Variants in MINDY4 observed in about 807,000 individuals in gnomAD.
MINDY4 encodes MINDY lysine 48 deubiquitinase 4.
In MINDY4, 68 loss-of-function variants were observed where a neutral mutation model predicts 87.0. The observed-to-expected ratio is 0.78, with a 90% CI of 0.64 to 0.96. MINDY4 has a LOEUF of 0.96. Ranked by LOEUF, MINDY4 falls within the 40% of genes least tolerant of loss-of-function variation. The pLI is 0.00. For missense variants in MINDY4, 919 were observed against 928.2 expected, an observed-to-expected ratio of 0.99 and a Z score of 0.13; for synonymous variants, 379 against 363.2, an observed-to-expected ratio of 1.04 and a Z score of -0.50.
intron 5 of MINDY4, among the ~76,000 whole-genome samples, chr7:30,823,818 A>G (rs1320024718): frequency 6.6e-6 from 1 of 152,118 alleles, no homozygotes; most frequent in Admixed American, 6.5e-5. Context: ...AGTAGGACTT[A>G]AAAAAACAAA....
In MINDY4 at chr7:30,775,871, C is replaced by T. The variant is rs189409633; in HGVS notation, c.64-2561C>T. Among the ~76,000 whole-genome samples the T allele has an allele frequency of 2.4e-3, 358 of 152,314 alleles. 1 individual carries two copies. The highest frequency in any genetic ancestry group is 8.0e-3 in the African/African-American group (332 of 41,564). The stretch of plus-strand genomic sequence containing the variant: ...TTCCTGTTCCTCCTACAACTGTGCC[C>T]ATTGGAATAAATGGCATCTCTGTCC... On this transcript the variant is annotated intron_variant, in intron 1 of 17. Transcript: ENST00000265299.
At position 30,791,234 on chromosome 7, in the gene MINDY4, A is replaced by G. The variant is rs1422620637; in HGVS notation, c.733A>G (p.Ser245Gly). 2 of 1,614,118 alleles carry G rather than the reference A, an allele frequency of 1.2e-6. No individual in the cohort carries two copies. Among genetic ancestry groups the G allele is most frequent in the Non-Finnish European group, 1.7e-6 (2 of 1,180,020 alleles). Residue 245 changes from serine (S) to glycine (G), a missense_variant, in exon 5 of 18, where the codon AGC becomes GGC. Physicochemically the swap from Ser to Gly is moderately conservative, Grantham distance 56 (BLOSUM62 0). Coordinates refer to ENST00000265299, the MANE Select transcript of MINDY4 (RefSeq NM_032222.3). Reference protein sequence around the residue: ...SSSSTQPQEESRKVPELFVCT... With the variant: ...SSSSTQPQEEGRKVPELFVCT... ...CAGCTCCACCCAACCCCAAGAAGAG[A>G]GCCGGAAGGTCCCTGAGCTCTTTGT... is the stretch of plus-strand genomic sequence containing the variant.
At chr7:30,808,279 A>G (rs973731106) in intron 5 of MINDY4, among the ~76,000 whole-genome samples, 1 of 152,168 alleles carries the variant, frequency 6.6e-6, no homozygotes, top group African/African-American at 2.4e-5. Flanking sequence ...TGCCCACTCC[A>G]TTTGAGTGGA....
intron 5 of MINDY4, among the ~76,000 whole-genome samples, chr7:30,810,373 G>C (rs985795751): frequency 6.6e-6 from 1 of 151,012 alleles, no homozygotes; most frequent in African/African-American, 2.4e-5. Context: ...TGTGCAAGGT[G>C]TACAAGGAAA....
chr7:30,779,261 T>C (rs939540477), intron 2 of MINDY4, among the ~76,000 whole-genome samples: 1 of 152,228 alleles, frequency 6.6e-6, no homozygotes, highest in African/African-American at 2.4e-5. Context: ...AAATGCAGTC[T>C]TTTTTGTTCA....
rs544665801 is a variant in MINDY4 at position 30,776,536 on chromosome 7, T to G, written c.64-1896T>G. ...ATACTATACTTGTTGTCTCTCCCCC[T>G]ATAGAGTGCAAGCTCCCTGAGGACT... On this transcript the variant is annotated intron_variant, in intron 1 of 17. Coordinates refer to ENST00000265299, the MANE Select transcript of MINDY4 (RefSeq NM_032222.3). Among the ~76,000 whole-genome samples, 193 of 152,294 alleles carry G rather than the reference T, an allele frequency of 1.3e-3. 1 individual carries two copies. Among genetic ancestry groups the G allele is most frequent in the Non-Finnish European group, 2.2e-3 (147 of 68,016 alleles).
intron 17 of MINDY4, among the ~76,000 whole-genome samples, chr7:30,891,153 C>T (rs1790782816): frequency 6.6e-6 from 1 of 152,164 alleles, no homozygotes; most frequent in East Asian, 1.9e-4. Context: ...ACATCTGTTT[C>T]CTAGTTCATA....
At position 30,840,699 on chromosome 7, in the gene MINDY4, G is replaced by A; in HGVS notation, c.1357-61G>A. On this transcript the variant is annotated intron_variant, in intron 8 of 17. Transcript: ENST00000265299. ...GGTGGGTTCTGGGGTGGGTTTGGGT[G>A]AAACCAAAAACTCTGCCCCAGGCCA... 6 of 1,546,866 alleles carry A rather than the reference G, an allele frequency of 3.9e-6. No homozygotes were observed. The African/African-American group carries it at 5.5e-5, about 14-fold the overall frequency.
rs190543048 is a variant in MINDY4 at position 30,807,040 on chromosome 7, C to T, written c.1073+15466C>T. On this transcript the variant is annotated intron_variant, in intron 5 of 17. Transcript: ENST00000265299. ...TTGGTCCCAGTGTCACTTTGTTTAGCCTTTCTTCTTTAAATAAAATTTCTT... is the reference window on the plus strand; with the variant it reads ...TTGGTCCCAGTGTCACTTTGTTTAGTCTTTCTTCTTTAAATAAAATTTCTT... Among the ~76,000 whole-genome samples, 467 of 152,300 alleles carry T rather than the reference C, an allele frequency of 3.1e-3. 1 individual carries two copies. The highest frequency in any genetic ancestry group is 0.011 in the African/African-American group (444 of 41,550).
At chr7:30,812,284 A>G (rs1403576678) in intron 5 of MINDY4, among the ~76,000 whole-genome samples, 1 of 129,924 alleles carries the variant, frequency 7.7e-6, no homozygotes, top group African/African-American at 2.7e-5. Flanking sequence ...GGGGGGGGGT[A>G]TGTATGTATG....
intron 11 of MINDY4, among the ~76,000 whole-genome samples, chr7:30,853,171 G>A (rs1156232942): frequency 1.3e-5 from 2 of 152,228 alleles, no homozygotes; most frequent in Non-Finnish European, 2.9e-5. Context: ...AGCTGCCGTA[G>A]GGCCACCTGA....
intron 7 of MINDY4, among the ~76,000 whole-genome samples, chr7:30,837,178 A>G (rs571492072): frequency 4.6e-5 from 7 of 152,294 alleles, no homozygotes; most frequent in African/African-American, 1.4e-4. Context: ...ATTCTTCAGC[A>G]CTGTTCAGGT....
chr7:30,854,919 C>A, intron 12 of MINDY4, among the ~76,000 whole-genome samples: 1 of 152,258 alleles, frequency 6.6e-6, no homozygotes. Flanking sequence ...GTCCCAAAAG[C>A]ATGGATTAGG....
At chr7:30,845,384 T>C (rs895218324) in intron 9 of MINDY4, among the ~76,000 whole-genome samples, 11 of 152,086 alleles carry the variant, frequency 7.2e-5, no homozygotes, top group African/African-American at 2.4e-4. Flanking sequence ...TCGGTTTCAT[T>C]GACTTATATA....
intron 6 of MINDY4, among the ~76,000 whole-genome samples, chr7:30,831,234 T>C (rs1287665082): frequency 6.6e-6 from 1 of 152,200 alleles, no homozygotes; most frequent in East Asian, 1.9e-4. Flanking sequence ...TGAGCATTTA[T>C]AGCAGAATTA....
At chr7:30,810,312 A>G (rs1024535372) in intron 5 of MINDY4, among the ~76,000 whole-genome samples, 1 of 151,636 alleles carries the variant, frequency 6.6e-6, no homozygotes, top group African/African-American at 2.4e-5. Context: ...ATAATTTAAA[A>G]GTAGCTAGGC....
intron 4 of MINDY4, chr7:30,786,630 G>GAAAAAAAA (rs59508821): frequency 2.5e-5 from 3 of 119,164 alleles, no homozygotes; most frequent in African/African-American, 3.0e-5. Flanking sequence ...GTCTCAAAAA[G>GAAAAAAAA]AAAAAAAAAA....
rs540708866 is a variant in MINDY4 at position 30,845,943 on chromosome 7, C to T, written c.1446-4511C>T. Reference sequence around the variant, plus strand: ...TTTTCCACTTGAGAAGAGGCTGTGCCGGCTTGGCTCACAGAAAGAGATGAA... The same window carrying T: ...TTTTCCACTTGAGAAGAGGCTGTGCTGGCTTGGCTCACAGAAAGAGATGAA... On this transcript the variant is annotated intron_variant, in intron 9 of 17. Coordinates refer to ENST00000265299, the MANE Select transcript of MINDY4 (RefSeq NM_032222.3). Among the ~76,000 whole-genome samples the T allele has an allele frequency of 3.3e-5, 5 of 152,302 alleles. No individual in the cohort carries two copies. The Middle Eastern group carries it at 0.01, about 311-fold the overall frequency.
chr7:30,865,311 A>G (rs1490224855), intron 13 of MINDY4, among the ~76,000 whole-genome samples: 2 of 152,266 alleles, frequency 1.3e-5, no homozygotes, highest in Non-Finnish European at 2.9e-5. Flanking sequence ...AACTTCCTCA[A>G]TAAACTCCAG....
Sources: gnomAD v4.1 joint callset for allele counts (sites outside exome capture counted in the v4.1 genomes callset) on GRCh38, gnomAD v4.1.1 for gene constraint, MANE v1.5 for transcripts, NCBI Gene and HGNC (gene_info 2026-07-23, HGNC 2026-07-21) for gene names.